Variants in CCDC149 observed in about 807,000 individuals in gnomAD.
The protein encoded by CCDC149 is coiled-coil domain containing 149.
In CCDC149, 45 loss-of-function variants were observed where a neutral mutation model predicts 59.9. That is an observed-to-expected ratio of 0.75 (90% CI 0.59 to 0.96). The LOEUF (loss-of-function observed/expected upper bound fraction) is 0.96, where lower values mean the gene tolerates loss of function less well. Among genes scored for constraint, CCDC149 ranks in the 40% least tolerant of loss-of-function variants. The probability of loss-of-function intolerance (pLI) is 0.00; values close to 1 mark genes in which losing one functional copy is unlikely to be tolerated. For missense variants in CCDC149, 584 were observed against 664.7 expected (o/e 0.88, Z 1.33); for synonymous variants, 245 against 260.6 (o/e 0.94, Z 0.58).
chr4:24,820,127 C>T, intron 11 of CCDC149, 152 bp from the exon 12 acceptor site: 1 of 606,226 alleles, frequency 1.6e-6, no homozygotes, highest in South Asian at 2.0e-5. Flanking sequence ...CTCCATACTT[C>T]CTTACACTAT....
intron 1 of CCDC149, among the ~76,000 whole-genome samples, chr4:24,896,702 G>A (rs1425302536): frequency 6.6e-6 from 1 of 152,134 alleles, no homozygotes; most frequent in East Asian, 1.9e-4. Flanking sequence ...TTGACTTACA[G>A]TAAGTTCATA....
chr4:24,957,408 T>G (rs6849564), intron 1 of CCDC149, among the ~76,000 whole-genome samples: 26,874 of 152,026 alleles, frequency 0.18, 3,200 homozygotes, highest in African/African-American at 0.32. Flanking sequence ...GAAGGAGGAG[T>G]ATTAAGCCCA....
chr4:24,806,515 A>T lies in CCDC149; in HGVS notation c.*1874T>A, dbSNP rs1176005857. ...GCAGGCTGAGATTTTTCCTTTTATT[A>T]TTATTAAACTTGGCTGTGTTTTCCT... On this transcript the variant is annotated 3_prime_UTR_variant, in exon 13 of 13. Transcript: ENST00000635206. The T allele has an allele frequency of 6.6e-6, 1 of 152,164 alleles. No individual in the cohort carries two copies. The highest frequency in any genetic ancestry group is 2.4e-5 in the African/African-American group (1 of 41,422). The allele number at this position is 152,164 out of a possible 1,614,324, so 9.4% of individuals were successfully genotyped here.
chr4:24,813,069 C>T (rs1714737006), intron 12 of CCDC149, among the ~76,000 whole-genome samples: 1 of 152,026 alleles, frequency 6.6e-6, no homozygotes, highest in Non-Finnish European at 1.5e-5. Flanking sequence ...GGAGGTGAGG[C>T]CTTTGGGAGG....
chr4:24,915,173 C>A (rs140213967), upstream of CCDC149, among the ~76,000 whole-genome samples: 1 of 152,372 alleles, frequency 6.6e-6, no homozygotes, highest in Non-Finnish European at 1.5e-5. Context: ...AGTTAATTAA[C>A]TCAGTGCCAA....
At chr4:24,919,473 T>C (rs1309253795) in intron 1 of CCDC149, among the ~76,000 whole-genome samples, 1 of 152,222 alleles carries the variant, frequency 6.6e-6, no homozygotes, top group Admixed American at 6.5e-5. Flanking sequence ...ATGTTATGTA[T>C]ATTTTACTGT....
chr4:24,958,037 G>A (rs1723518216), intron 1 of CCDC149, among the ~76,000 whole-genome samples: 1 of 152,182 alleles, frequency 6.6e-6, no homozygotes, highest in Admixed American at 6.5e-5. Flanking sequence ...ATCAGGAAAT[G>A]TCTGTCCTTG....
chr4:24,962,582 A>G (rs1277895096), intron 1 of CCDC149, among the ~76,000 whole-genome samples: 5 of 152,230 alleles, frequency 3.3e-5, no homozygotes, highest in African/African-American at 1.2e-4. Flanking sequence ...TGTCCTTTGT[A>G]GGGACATGGA....
intron 1 of CCDC149, among the ~76,000 whole-genome samples, chr4:24,963,472 A>G (rs1238037335): frequency 6.6e-6 from 1 of 152,128 alleles, no homozygotes; most frequent in African/African-American, 2.4e-5. Flanking sequence ...AGAACCACAC[A>G]AGGAGGTGAG....
chr4:24,961,009 C>A (rs906983010), intron 1 of CCDC149, among the ~76,000 whole-genome samples: 1 of 152,110 alleles, frequency 6.6e-6, no homozygotes, highest in Non-Finnish European at 1.5e-5. Flanking sequence ...GAATCCTAGG[C>A]AAAGTAGAAT....
intron 1 of CCDC149, among the ~76,000 whole-genome samples, chr4:24,956,969 T>C (rs578066961): frequency 7.2e-5 from 11 of 152,366 alleles, no homozygotes; most frequent in African/African-American, 2.6e-4. Flanking sequence ...ATTTGAGCTA[T>C]GTGACCAAGA....
intron 1 of CCDC149, among the ~76,000 whole-genome samples, chr4:24,884,967 G>C (rs1317737815): frequency 6.6e-6 from 1 of 152,178 alleles, no homozygotes; most frequent in South Asian, 2.1e-4. Context: ...AGACGGAGCT[G>C]TGACAAGTGG....
chr4:24,829,920 G>A (rs2109125269), intron 9 of CCDC149: 1 of 152,626 alleles, frequency 6.6e-6, no homozygotes, highest in East Asian at 1.9e-4. Context: ...GAAGGCAGCA[G>A]GGTTTAGGAA....
intron 4 of CCDC149, among the ~76,000 whole-genome samples, chr4:24,845,877 G>T (rs1717257567): frequency 6.6e-6 from 1 of 152,200 alleles, no homozygotes; most frequent in Non-Finnish European, 1.5e-5. Flanking sequence ...AGCACATGTT[G>T]CTCCCAGAGC....
chr4:24,831,837 A>T (rs1577391016), intron 8 of CCDC149, among the ~76,000 whole-genome samples, 187 bp from the exon 9 acceptor site: 1 of 152,250 alleles, frequency 6.6e-6, no homozygotes, highest in East Asian at 1.9e-4. Context: ...AACAGAAAGG[A>T]GGAAGTTCTC....
intron 1 of CCDC149, among the ~76,000 whole-genome samples, chr4:24,967,453 A>C (rs1032821448): frequency 6.6e-6 from 1 of 152,112 alleles, no homozygotes; most frequent in Non-Finnish European, 1.5e-5. Flanking sequence ...ATGCAGCTGT[A>C]CCATCAATCA....
intron 1 of CCDC149, among the ~76,000 whole-genome samples, chr4:24,977,539 C>T (rs967266248): frequency 1.3e-5 from 2 of 152,136 alleles, no homozygotes; most frequent in Non-Finnish European, 2.9e-5. Flanking sequence ...TGTGAATCAA[C>T]AAGCCTGTCT....
chr4:24,945,624 C>CTT (rs33977689), intron 1 of CCDC149, among the ~76,000 whole-genome samples: 24,313 of 141,698 alleles, frequency 0.17, 2,318 homozygotes, highest in African/African-American at 0.26. Flanking sequence ...TATGCCCTAA[C>CTT]TTTTTTTTTT....
Position 24,816,654 on chromosome 4 carries a change from GTAA to G in CCDC149, c.1192+3202_1192+3204del, listed in dbSNP as rs1397994988. 2.0e-5 allele frequency among the ~76,000 whole-genome samples: 3 copies of G among 152,026 alleles called. No homozygotes were observed. The East Asian group carries it at 5.8e-4, about 29-fold the overall frequency. On this transcript the variant is annotated intron_variant, in intron 12 of 12. Coordinates refer to ENST00000635206, the MANE Select transcript of CCDC149 (RefSeq NM_001330643.2). ...GAGTGGGAAAATATTAAAAATAATA[GTAA>G]TTATTCAGTGTTTTAGCAAACAATT...
Sources: gnomAD v4.1 joint callset for allele counts (sites outside exome capture counted in the v4.1 genomes callset) on GRCh38, gnomAD v4.1.1 for gene constraint, MANE v1.5 for transcripts, NCBI Gene and HGNC (gene_info 2026-07-23, HGNC 2026-07-21) for gene names.